The following FN1 variants were observed in gnomAD, a reference collection of about 807,000 sequenced individuals.
FN1 encodes fibronectin.
FN1 carries 106 observed loss-of-function variants against 297.3 expected under a neutral mutation model. The observed-to-expected ratio is 0.36, with a 90% confidence interval of 0.30 to 0.42. FN1 has a LOEUF of 0.42. FN1 is among the 10% of genes least tolerant of loss of function. The pLI, the probability that FN1 is intolerant of heterozygous loss-of-function variation, is 1.00. For synonymous variants in FN1, 1,149 were observed against 1,152.6 expected (o/e 1.00, Z 0.06); for missense variants, 2,690 against 3,124.9 (o/e 0.86, Z 3.32).
intron 12 of FN1, 111 bp downstream of exon 12, chr2:215,419,131 G>T (rs2106387083): frequency 1.2e-6 from 1 of 837,176 alleles, no homozygotes; most frequent in South Asian, 1.4e-5. Context: ...CAAGAGAAAA[G>T]GGTGGGAAAG....
At chr2:215,391,552 C>T in intron 26 of FN1, 80 bp downstream of exon 26, 1 of 1,259,286 alleles carries the variant, frequency 7.9e-7, no homozygotes, top group South Asian at 1.2e-5. Flanking sequence ...TTGCTCTTAG[C>T]TCCTCCTACT....
chr2:215,365,090 G>T, intron 43 of FN1, 105 bp from the exon 44 acceptor site: 1 of 751,232 alleles, frequency 1.3e-6, no homozygotes, highest in Middle Eastern at 2.2e-4. Context: ...TCATCACAGC[G>T]CAAACACCAC....
At chr2:215,386,625 T>C in intron 28 of FN1, 64 bp downstream of exon 28, 3 of 1,272,776 alleles carry the variant, frequency 2.4e-6, no homozygotes, top group Non-Finnish European at 3.4e-6. Context: ...AGCAAGCTAC[T>C]TTACAGAATC....
At chr2:215,430,012 G>T (rs1232055257) in intron 5 of FN1, among the ~76,000 whole-genome samples, 1 of 152,144 alleles carries the variant, frequency 6.6e-6, no homozygotes, top group Non-Finnish European at 1.5e-5. Context: ...GGTCAAAATG[G>T]TTACCACTTT....
At chr2:215,398,642 C>A in intron 21 of FN1, among the ~76,000 whole-genome samples, 1 of 152,220 alleles carries the variant, frequency 6.6e-6, no homozygotes, top group South Asian at 2.1e-4. Flanking sequence ...TGATTTCCAG[C>A]GATAACAAAT....
At chr2:215,396,990 T>G in intron 23 of FN1, 147 bp downstream of exon 23, 1 of 739,076 alleles carries the variant, frequency 1.4e-6, no homozygotes, top group Non-Finnish European at 2.5e-6. Flanking sequence ...TGCTCCATGA[T>G]GTACATCATG....
intron 19 of FN1, among the ~76,000 whole-genome samples, chr2:215,405,777 C>A (rs1210469366): frequency 1.3e-5 from 2 of 151,878 alleles, no homozygotes; most frequent in Non-Finnish European, 2.9e-5. Context: ...AATAATAAGA[C>A]CTTCCTTCCT....
intron 13 of FN1, among the ~76,000 whole-genome samples, chr2:215,413,171 A>G (rs2062921530): frequency 6.6e-6 from 1 of 152,098 alleles, no homozygotes. Context: ...CTAGGGTGCA[A>G]TGGCGCGATC....
chr2:215,423,324 G>C, intron 9 of FN1, 26 bp downstream of exon 9: 2 of 1,612,648 alleles, frequency 1.2e-6, no homozygotes, highest in South Asian at 2.2e-5. Context: ...TGTCAAACAA[G>C]ACAACCCACA....
Position 215,407,189 on chromosome 2 carries a change from T to G in FN1, c.2651A>C (p.Glu884Ala), listed in dbSNP as rs1385094548. Residue 884 changes from glutamate to alanine, a missense_variant, in exon 18 of 46, where the codon GAA becomes GCA. Glu to Ala is a moderately radical substitution (Grantham distance 107). Around this residue, in one of 3 missense-constraint regions of FN1, gnomAD observed 71 missense variants for 121.7 expected, o/e 0.58. Coordinates refer to ENST00000354785, the MANE Select transcript of FN1 (RefSeq NM_212482.4). ...VQYNITIYAV[E>A]ENQESTPVVI... ...AACAGGTGTACTTTCTTGATTTTCT[T>G]CCACAGCATAGATAGTGATGTTATA... The G allele has an allele frequency of 1.2e-6, 2 of 1,614,114 alleles. No homozygotes were observed.
chr2:215,363,950 G>A (rs2106122576), intron 44 of FN1, among the ~76,000 whole-genome samples: 1 of 152,236 alleles, frequency 6.6e-6, no homozygotes, highest in South Asian at 2.1e-4. Context: ...CAGAGGGTTG[G>A]CTCACCAAAG....
chr2:215,367,109 T>C (rs2054792476), intron 42 of FN1, among the ~76,000 whole-genome samples: 1 of 152,204 alleles, frequency 6.6e-6, no homozygotes, highest in Admixed American at 6.5e-5. Context: ...GGCTTATTTA[T>C]AGGCATAACG....
chr2:215,397,744 G>A lies in FN1; in HGVS notation c.3453C>T (p.Tyr1151=). The A allele has an allele frequency of 3.1e-6, 5 of 1,614,060 alleles. No homozygotes were observed. Among genetic ancestry groups the A allele is most frequent in the African/African-American group, 1.3e-5 (1 of 75,042 alleles). The change falls in exon 22 of 46, where the codon TAC becomes TAT. Residue 1151 remains tyrosine, a synonymous_variant. Transcript: ENST00000354785. The part of the protein sequence containing the change: ...SGLTPGVEYV[Y]TIQVLRDGQE... ...GTCCATCTCTCAGGACTTGGATGGT[G>A]TAGACGTATTCTACTCCTGGAGTCA... is the stretch of plus-strand genomic sequence containing the variant.
chr2:215,391,672 C>G lies in FN1; in HGVS notation c.4212G>C (p.Glu1404Asp). The G allele has an allele frequency of 6.2e-7, 1 of 1,614,156 alleles. No individual in the cohort carries two copies. Among genetic ancestry groups the G allele is most frequent in the East Asian group, 2.2e-5 (1 of 44,878 alleles). Residue 1404 changes from glutamate to aspartate, a missense_variant, in exon 26 of 46, where the codon GAG (glutamate) becomes GAC (aspartate). By Grantham distance (45) the Glu-to-Asp change is conservative. Transcript: ENST00000354785. ...SPVKNEEDVA[E>D]LSISPSDNAV... is the part of the protein sequence containing the mutation. ...CATTGTCTGAAGGAGAAATTGACAA[C>G]TCTGCAACATCTTCCTCATTTTTCA...
At chr2:215,409,382 C>A (rs942188490) in intron 15 of FN1, among the ~76,000 whole-genome samples, 181 bp downstream of exon 15, 6 of 152,070 alleles carry the variant, frequency 3.9e-5, no homozygotes, top group African/African-American at 1.2e-4. Flanking sequence ...TGGGAAAAAC[C>A]CGGCCACTTC....
Position 215,393,051 on chromosome 2 carries a change from C to T in FN1, c.3949G>A (p.Asp1317Asn), listed in dbSNP as rs1345299248. ...EGIPIFEDFV[D>N]SSVGYYTVTG... ...ACTGTGTAGTATCCTACTGAGGAGT[C>T]CACAAAATCTTCAAAAATAGGGATA... The change falls in exon 25 of 46, where the codon GAC becomes AAC. Residue 1317 changes from aspartate (D) to asparagine (N), a missense_variant. Physicochemically the swap from Asp to Asn is conservative, Grantham distance 23. Transcript: ENST00000354785. 6.2e-7 allele frequency: 1 copy of T among 1,613,990 alleles called. No individual in the cohort carries two copies.
Position 215,425,210 on chromosome 2 carries a change from T to C in FN1, c.920A>G (p.His307Arg), listed in dbSNP as rs1053117801. The C allele has an allele frequency of 6.2e-7, 1 of 1,614,126 alleles. No homozygotes were observed. Among genetic ancestry groups the C allele is most frequent in the Non-Finnish European group, 8.5e-7 (1 of 1,180,008 alleles). Residue 307 changes from histidine (H) to arginine (R), a missense_variant, in exon 7 of 46, where the codon CAC (histidine) becomes CGC (arginine). This residue lies in a region of FN1 where 876 missense variants were observed against 1,058.1 expected (regional missense o/e 0.83). Coordinates refer to ENST00000354785, the MANE Select transcript of FN1 (RefSeq NM_212482.4). ...GACCACACCACTGTCTGTGACACAG[T>C]GGCCATAGGGAGGAGGCTGGGGGTG... ...QPHPQPPPYG[H>R]CVTDSGVVYS...
intron 45 of FN1, 137 bp downstream of exon 45, chr2:215,361,832 C>A: frequency 8.4e-7 from 1 of 1,191,708 alleles, no homozygotes; most frequent in South Asian, 1.4e-5. Context: ...TTATGGAATA[C>A]AGTGTTTCAC....
intron 13 of FN1, among the ~76,000 whole-genome samples, chr2:215,410,549 C>T (rs1250265): frequency 6.6e-5 from 10 of 151,556 alleles, no homozygotes; most frequent in African/African-American, 2.4e-4. Context: ...CTCTTGTTGC[C>T]CAGGCTAGAG....
Sources: gnomAD v4.1 joint callset for allele counts (sites outside exome capture counted in the v4.1 genomes callset) on GRCh38, gnomAD v4.1.1 for gene constraint, gnomAD v4.1.1 regional missense constraint, MANE v1.5 for transcripts, NCBI Gene and HGNC (gene_info 2026-07-23, HGNC 2026-07-21) for gene names.